Variants in LRP1B observed in about 807,000 individuals in gnomAD.
LRP1B encodes low-density lipoprotein receptor-related protein 1B.
LRP1B carries 217 observed loss-of-function variants against 556.6 expected under a neutral mutation model. The ratio of observed to expected loss-of-function variants is 0.39; its 90% CI spans 0.35 to 0.44. LRP1B has a LOEUF of 0.44. Ranked by LOEUF, LRP1B falls within the 20% of genes least tolerant of loss-of-function variation. The probability of loss-of-function intolerance (pLI) is 1.00; values close to 1 mark genes in which losing one functional copy is unlikely to be tolerated. For missense variants in LRP1B, 5,053 were observed against 5,620.8 expected, an observed-to-expected ratio of 0.90 and a Z score of 3.23; for synonymous variants, 2,047 against 1,865.8, an observed-to-expected ratio of 1.10 and a Z score of -2.50.
At chr2:140,681,635 CG>C (rs1388480814) in intron 41 of LRP1B, among the ~76,000 whole-genome samples, 7 of 151,508 alleles carry the variant, frequency 4.6e-5, no homozygotes, top group Non-Finnish European at 5.9e-5. Context: ...GATAATTTAA[CG>C]AAAAAAAGAC....
chr2:141,500,283 T>C (rs1683666473), intron 2 of LRP1B, among the ~76,000 whole-genome samples: 1 of 152,126 alleles, frequency 6.6e-6, no homozygotes, highest in Non-Finnish European at 1.5e-5. Flanking sequence ...TCTCCACAAT[T>C]TATCAGCCTT....
At chr2:141,466,488 C>A (rs1682206704) in intron 3 of LRP1B, among the ~76,000 whole-genome samples, 1 of 152,200 alleles carries the variant, frequency 6.6e-6, no homozygotes, top group Non-Finnish European at 1.5e-5. Flanking sequence ...AAAGATACAT[C>A]TCCCAGTCTT....
At chr2:141,166,629 A>G (rs1680275001) in intron 7 of LRP1B, among the ~76,000 whole-genome samples, 1 of 151,572 alleles carries the variant, frequency 6.6e-6, no homozygotes, top group Non-Finnish European at 1.5e-5. Flanking sequence ...GATCCTATGC[A>G]TTCTATTAAA....
intron 2 of LRP1B, among the ~76,000 whole-genome samples, chr2:141,694,349 C>T (rs796900349): frequency 3.3e-5 from 5 of 152,018 alleles, no homozygotes; most frequent in African/African-American, 9.7e-5. Context: ...AGAGAGTCCT[C>T]GGCACATAGG....
At chr2:140,865,220 G>C (rs1692912376) in intron 27 of LRP1B, among the ~76,000 whole-genome samples, 1 of 151,956 alleles carries the variant, frequency 6.6e-6, no homozygotes, top group South Asian at 2.1e-4. Flanking sequence ...CATAATGAAT[G>C]CTTACTTGTA....
intron 41 of LRP1B, among the ~76,000 whole-genome samples, chr2:140,645,011 G>A (rs1045567421): frequency 2.0e-5 from 3 of 151,718 alleles, no homozygotes; most frequent in South Asian, 2.1e-4. Context: ...ACTACCTCTC[G>A]GATTTCCACT....
chr2:140,353,511 C>T (rs982994810), intron 75 of LRP1B, among the ~76,000 whole-genome samples: 3 of 152,026 alleles, frequency 2.0e-5, no homozygotes, highest in Non-Finnish European at 2.9e-5. Context: ...TTCTGATGAC[C>T]TACCTCCATG....
At chr2:141,069,973 T>A (rs1337095420) in intron 7 of LRP1B, among the ~76,000 whole-genome samples, 2 of 90,680 alleles carry the variant, frequency 2.2e-5, no homozygotes, top group Non-Finnish European at 4.1e-5. Flanking sequence ...CCCACAACAG[T>A]CCCCAGAGTG....
At chr2:142,111,477 C>T (rs1407436291) in intron 1 of LRP1B, among the ~76,000 whole-genome samples, 1 of 152,092 alleles carries the variant, frequency 6.6e-6, no homozygotes, top group Non-Finnish European at 1.5e-5. Context: ...GTATAGGAAG[C>T]AAAACATGAT....
intron 31 of LRP1B, among the ~76,000 whole-genome samples, chr2:140,832,673 T>C (rs1691757515): frequency 6.6e-6 from 1 of 152,202 alleles, no homozygotes; most frequent in Middle Eastern, 3.4e-3. Flanking sequence ...CTCCCACATA[T>C]ATGGAAGCTA....
intron 35 of LRP1B, among the ~76,000 whole-genome samples, chr2:140,731,306 A>G (rs1298076335): frequency 2.0e-5 from 3 of 152,090 alleles, no homozygotes; most frequent in African/African-American, 4.8e-5. Context: ...TTGGATTCAC[A>G]ATGTCTTCCT....
chr2:141,252,052 G>T (rs1684281122), intron 4 of LRP1B, among the ~76,000 whole-genome samples: 2 of 151,916 alleles, frequency 1.3e-5, no homozygotes, highest in African/African-American at 4.8e-5. Flanking sequence ...CTTCAGAAAT[G>T]GGTGTATAAA....
At chr2:141,740,812 T>C (rs1693669223) in intron 2 of LRP1B, among the ~76,000 whole-genome samples, 1 of 152,128 alleles carries the variant, frequency 6.6e-6, no homozygotes, top group Admixed American at 6.5e-5. Context: ...TGGCTCTTAA[T>C]CCACAAGTCT....
At chr2:140,263,731 TTCTA>T (rs1458615343) in intron 86 of LRP1B, among the ~76,000 whole-genome samples, 3 of 152,032 alleles carry the variant, frequency 2.0e-5, no homozygotes, top group African/African-American at 7.2e-5. Flanking sequence ...TGTGCCTCCT[TTCTA>T]TCTGAGACCT....
chr2:140,889,856 G>C (rs973616440), intron 23 of LRP1B, among the ~76,000 whole-genome samples: 3 of 152,122 alleles, frequency 2.0e-5, no homozygotes, highest in African/African-American at 7.2e-5. Context: ...CTATTTTGGA[G>C]ACATATTTGG....
At chr2:140,272,535 T>C (rs1682509242) in intron 85 of LRP1B, among the ~76,000 whole-genome samples, 1 of 151,996 alleles carries the variant, frequency 6.6e-6, no homozygotes, top group Non-Finnish European at 1.5e-5. Context: ...GTTCATAGGC[T>C]GTGTATTAGA....
intron 18 of LRP1B, among the ~76,000 whole-genome samples, chr2:140,964,147 G>C (rs1358248951): frequency 6.6e-6 from 1 of 152,194 alleles, no homozygotes. Flanking sequence ...CAGAGAGGGA[G>C]AGGAGACAAA....
rs145429019 is a variant in LRP1B, at chr2:141,672,476, G to T, written c.205+137803C>A. ...TTCAGAGCTCCTTCCTGAAACGGAG[G>T]TTACAAAGTCACACAAAACAAATCC... On this transcript the variant is annotated intron_variant, in intron 2 of 90. Coordinates refer to ENST00000389484, the MANE Select transcript of LRP1B (RefSeq NM_018557.3). Among the ~76,000 whole-genome samples, 101 of 152,236 alleles carry T rather than the reference G, an allele frequency of 6.6e-4. 1 individual carries two copies. The highest frequency in any genetic ancestry group is 1.1e-3 in the Non-Finnish European group (78 of 68,026).
intron 3 of LRP1B, among the ~76,000 whole-genome samples, chr2:141,479,135 C>T (rs978862725): frequency 2.6e-5 from 4 of 152,082 alleles, no homozygotes. Context: ...ATTTCCACAG[C>T]CTACCTGTAG....
Sources: allele counts gnomAD v4.1 joint callset (sites outside exome capture counted in the v4.1 genomes callset), GRCh38; gene constraint gnomAD v4.1.1; transcripts MANE v1.5; gene names NCBI Gene and HGNC (gene_info 2026-07-23, HGNC 2026-07-21).